The following LRRC4C variants were observed in gnomAD, a reference collection of about 807,000 sequenced individuals.
LRRC4C encodes leucine rich repeat containing 4C, also known as leucine-rich repeat-containing protein 4C.
Under a neutral mutation model 33.6 loss-of-function variants are expected in LRRC4C, and 5 were observed. The observed-to-expected ratio is 0.15, with a 90% CI of 0.08 to 0.31. The LOEUF is 0.31. LRRC4C is among the 10% of genes least tolerant of loss of function. LRRC4C has a pLI of 1.00. For missense variants in LRRC4C, 560 were observed against 796.7 expected (o/e 0.70, Z 3.58); for synonymous variants, 329 against 302.0 (o/e 1.09, Z -0.93).
In LRRC4C at chr11:40,460,376, A is replaced by C. The variant is rs747644782; in HGVS notation, c.-269-140655T>G. On this transcript the variant is annotated intron_variant, in intron 3 of 6. Transcript: ENST00000528697. ...CCAAGATACAGACAATGAAAAAAAT[A>C]GCTAAAAAACAAACATGGCATGACT... Among the ~76,000 whole-genome samples the C allele has an allele frequency of 3.3e-5, 5 of 152,228 alleles. 1 individual carries two copies. The South Asian group carries it at 6.2e-4, about 19-fold the overall frequency.
At chr11:40,760,700 T>A (rs1249326343) in intron 2 of LRRC4C, among the ~76,000 whole-genome samples, 2 of 150,620 alleles carry the variant, frequency 1.3e-5, no homozygotes, top group Non-Finnish European at 2.9e-5. Context: ...AACCTCTGCT[T>A]CTTGAGCTCA....
intron 5 of LRRC4C, among the ~76,000 whole-genome samples, chr11:40,201,544 A>C (rs571996368): frequency 6.6e-6 from 1 of 152,278 alleles, no homozygotes; most frequent in Non-Finnish European, 1.5e-5. Context: ...GTGGAAGTGA[A>C]CGCCTTCTAT....
intron 1 of LRRC4C, among the ~76,000 whole-genome samples, chr11:41,223,807 C>T (rs1947409333): frequency 6.6e-6 from 1 of 152,174 alleles, no homozygotes; most frequent in South Asian, 2.1e-4. Context: ...GTTCCCCAAA[C>T]TATTGGATGT....
intron 4 of LRRC4C, among the ~76,000 whole-genome samples, chr11:40,268,723 C>T (rs1260076015): frequency 1.3e-5 from 2 of 152,110 alleles, no homozygotes; most frequent in African/African-American, 2.4e-5. Context: ...TGGGAACCAT[C>T]TGGAGATTCT....
intron 3 of LRRC4C, among the ~76,000 whole-genome samples, chr11:40,632,333 G>A (rs1407190187): frequency 6.6e-6 from 1 of 152,198 alleles, no homozygotes; most frequent in Non-Finnish European, 1.5e-5. Flanking sequence ...CACGCAGAAA[G>A]ATTTAGAGAA....
intron 1 of LRRC4C, among the ~76,000 whole-genome samples, chr11:41,234,782 T>G (rs1947946247): frequency 6.6e-6 from 1 of 152,038 alleles, no homozygotes; most frequent in African/African-American, 2.4e-5. Flanking sequence ...AGCTGCATTT[T>G]CTAAATGAGA....
chr11:40,969,126 A>G (rs1297363755), intron 1 of LRRC4C, among the ~76,000 whole-genome samples: 2 of 152,160 alleles, frequency 1.3e-5, no homozygotes, highest in Non-Finnish European at 2.9e-5. Flanking sequence ...TTCAACCATC[A>G]TGGATGACTT....
intron 5 of LRRC4C, among the ~76,000 whole-genome samples, chr11:40,238,823 G>C (rs1565172755): frequency 6.6e-6 from 1 of 151,976 alleles, no homozygotes; most frequent in Non-Finnish European, 1.5e-5. Context: ...TTGCTAAGGA[G>C]GTATGTTTAT....
At chr11:41,352,407 C>A (rs1952014407) in intron 1 of LRRC4C, among the ~76,000 whole-genome samples, 1 of 152,094 alleles carries the variant, frequency 6.6e-6, no homozygotes, top group African/African-American at 2.4e-5. Flanking sequence ...CAGATAACCA[C>A]AGAATAACAG....
At chr11:40,744,650 GA>G (rs2136932935) in intron 2 of LRRC4C, among the ~76,000 whole-genome samples, 1 of 152,208 alleles carries the variant, frequency 6.6e-6, no homozygotes, top group East Asian at 1.9e-4. Flanking sequence ...TGGGATGAAT[GA>G]ATAAACAACC....
At chr11:40,517,250 C>A (rs773017786) in intron 3 of LRRC4C, among the ~76,000 whole-genome samples, 1 of 152,132 alleles carries the variant, frequency 6.6e-6, no homozygotes, top group Non-Finnish European at 1.5e-5. Flanking sequence ...TAATTCCCAT[C>A]TTACATAGAT....
At chr11:40,906,414 G>A (rs953261445) in intron 2 of LRRC4C, among the ~76,000 whole-genome samples, 1 of 152,270 alleles carries the variant, frequency 6.6e-6, no homozygotes, top group African/African-American at 2.4e-5. Context: ...GGGAGGCTGA[G>A]GTGGGAGAAT....
chr11:40,609,525 T>C (rs1019925143), intron 3 of LRRC4C, among the ~76,000 whole-genome samples: 8 of 151,482 alleles, frequency 5.3e-5, no homozygotes, highest in African/African-American at 1.9e-4. Flanking sequence ...AAGTTCAAAG[T>C]TAAAAGAAGG....
In LRRC4C at chr11:41,349,452, AG is replaced by A. The variant is rs1174879914; in HGVS notation, c.-496+109978del. Among the ~76,000 whole-genome samples, 630 of 152,044 alleles carry A rather than the reference AG, an allele frequency of 4.1e-3. 4 individuals carry two copies. The highest frequency in any genetic ancestry group is 0.013 in the African/African-American group (543 of 41,434). Reference sequence around the variant, plus strand: ...CATATGCTTAAACTTAAGGGGCTGGAGGAAAAAAACAAAACAAAACAAAACA... The same window carrying A: ...CATATGCTTAAACTTAAGGGGCTGGAGAAAAAAACAAAACAAAACAAAACA... On this transcript the variant is annotated intron_variant, in intron 1 of 6. Transcript: ENST00000528697.
At chr11:41,102,920 G>A (rs1006355786) in intron 1 of LRRC4C, among the ~76,000 whole-genome samples, 3 of 151,856 alleles carry the variant, frequency 2.0e-5, no homozygotes, top group African/African-American at 7.2e-5. Flanking sequence ...AGGTGCTGAT[G>A]ACTTGCCAAA....
intron 3 of LRRC4C, among the ~76,000 whole-genome samples, chr11:40,631,720 G>A (rs1422235880): frequency 6.6e-6 from 1 of 152,064 alleles, no homozygotes; most frequent in Non-Finnish European, 1.5e-5. Flanking sequence ...ATAGCGCTCT[G>A]CAAATATTAT....
At chr11:40,186,685 G>A (rs1861425807) in intron 5 of LRRC4C, among the ~76,000 whole-genome samples, 1 of 152,112 alleles carries the variant, frequency 6.6e-6, no homozygotes. Flanking sequence ...TAGGCTGTCG[G>A]GCTCAGCATA....
At chr11:40,961,235 T>C (rs995979662) in intron 1 of LRRC4C, among the ~76,000 whole-genome samples, 4 of 151,736 alleles carry the variant, frequency 2.6e-5, no homozygotes, top group Non-Finnish European at 4.4e-5. Context: ...CTATTGTGAC[T>C]AGAATAGCAA....
chr11:41,045,006 T>C (rs778487299), intron 1 of LRRC4C, among the ~76,000 whole-genome samples: 34 of 152,118 alleles, frequency 2.2e-4, no homozygotes, highest in Admixed American at 9.8e-4. Context: ...TTCATTTATC[T>C]TGAGCTCTTG....
Sources: allele counts gnomAD v4.1 joint callset (sites outside exome capture counted in the v4.1 genomes callset), GRCh38; gene constraint gnomAD v4.1.1; transcripts MANE v1.5; gene names NCBI Gene and HGNC (gene_info 2026-07-23, HGNC 2026-07-21).